The following DNAH3 variants were observed in gnomAD, a reference collection of about 807,000 sequenced individuals.
DNAH3 encodes the protein axonemal beta dynein heavy chain 3.
In DNAH3, 332 loss-of-function variants were observed where a neutral mutation model predicts 432.5. The ratio of observed to expected loss-of-function variants is 0.77; its 90% CI spans 0.70 to 0.84. The LOEUF (loss-of-function observed/expected upper bound fraction) is 0.84. Ranked by LOEUF, DNAH3 falls within the 40% of genes least tolerant of loss-of-function variation. The probability of loss-of-function intolerance (pLI) is 0.00; values close to 1 mark genes in which losing one functional copy is unlikely to be tolerated. For synonymous variants in DNAH3, 1,956 were observed against 1,900.2 expected (o/e 1.03, Z -0.76); for missense variants, 4,861 against 5,114.0 (o/e 0.95, Z 1.51).
At chr16:21,126,320 G>C (rs2092445902) in intron 8 of DNAH3, among the ~76,000 whole-genome samples, 1 of 152,134 alleles carries the variant, frequency 6.6e-6, no homozygotes, top group Non-Finnish European at 1.5e-5. Flanking sequence ...TACTACTCTA[G>C]CAACCAGAGA....
intron 18 of DNAH3, among the ~76,000 whole-genome samples, chr16:21,095,517 T>G (rs2091649578): frequency 6.6e-6 from 1 of 152,098 alleles, no homozygotes; most frequent in Non-Finnish European, 1.5e-5. Flanking sequence ...AATGAAGAGA[T>G]CAATAGTTGC....
intron 1 of DNAH3, among the ~76,000 whole-genome samples, chr16:21,154,223 G>C (rs1448369372): frequency 6.6e-6 from 1 of 152,208 alleles, no homozygotes; most frequent in Admixed American, 6.5e-5. Flanking sequence ...GGCCAACATG[G>C]TGAAACCCCG....
At chr16:21,149,164 C>T (rs544275043) in intron 1 of DNAH3, among the ~76,000 whole-genome samples, 19 of 150,530 alleles carry the variant, frequency 1.3e-4, no homozygotes, top group Middle Eastern at 3.4e-3. Flanking sequence ...AGAAAGCAGA[C>T]GCTTCAGTGA....
At chr16:20,978,252 G>A (rs778906107) in intron 50 of DNAH3, among the ~76,000 whole-genome samples, 8 of 152,164 alleles carry the variant, frequency 5.3e-5, no homozygotes, top group East Asian at 1.9e-4. Flanking sequence ...CAAGGTGGCC[G>A]GGCGGGTGGC....
intron 20 of DNAH3, among the ~76,000 whole-genome samples, chr16:21,078,723 G>A (rs191164251): frequency 6.6e-6 from 1 of 152,330 alleles, no homozygotes; most frequent in African/African-American, 2.4e-5. Flanking sequence ...GCAAATGATT[G>A]AACAGATGAG....
chr16:21,148,169 C>T (rs552765465), intron 1 of DNAH3, among the ~76,000 whole-genome samples: 1 of 152,248 alleles, frequency 6.6e-6, no homozygotes, highest in African/African-American at 2.4e-5. Flanking sequence ...CTGCCCCCAA[C>T]CCCTTAAAGA....
intron 51 of DNAH3, among the ~76,000 whole-genome samples, chr16:20,973,345 C>T (rs534254447): frequency 1.3e-5 from 2 of 152,070 alleles, no homozygotes; most frequent in South Asian, 2.1e-4. Flanking sequence ...CTCTACCTCT[C>T]GGGTTCAAGA....
intron 15 of DNAH3, among the ~76,000 whole-genome samples, 198 bp downstream of exon 15, chr16:21,106,292 T>C (rs1231516901): frequency 6.6e-6 from 1 of 152,142 alleles, no homozygotes; most frequent in Non-Finnish European, 1.5e-5. Flanking sequence ...AGTATAAAAT[T>C]CGTGCCTCTA....
At chr16:20,989,469 C>T (rs1345684455) in intron 44 of DNAH3, among the ~76,000 whole-genome samples, 2 of 152,116 alleles carry the variant, frequency 1.3e-5, no homozygotes, top group Non-Finnish European at 2.9e-5. Flanking sequence ...GATTGGTGCA[C>T]TCACAAACCT....
exon 46 of DNAH3, chr16:20,987,741 G>A (rs2086271629): frequency 5.0e-6 from 8 of 1,614,176 alleles, no homozygotes; most frequent in Non-Finnish European, 6.8e-6. Flanking sequence ...TCACTCGTGA[G>A]AAGTCCCGCA....
intron 7 of DNAH3, chr16:21,129,560 A>C (rs1357049408): frequency 3.4e-5 from 4 of 117,584 alleles, no homozygotes; most frequent in East Asian, 2.4e-4. Context: ...GTGAAACCCT[A>C]TCTCTACAAA....
chr16:21,052,887 T>C (rs948825458), intron 28 of DNAH3, among the ~76,000 whole-genome samples: 15 of 152,236 alleles, frequency 9.9e-5, no homozygotes, highest in African/African-American at 3.6e-4. Flanking sequence ...CGAGAATCCA[T>C]GGTTAGATGT....
intron 26 of DNAH3, among the ~76,000 whole-genome samples, chr16:21,059,788 A>G (rs970022830): frequency 3.3e-5 from 5 of 151,972 alleles, no homozygotes; most frequent in Admixed American, 1.3e-4. Flanking sequence ...AAAAAAAAAA[A>G]AAGAAGAAAG....
intron 25 of DNAH3, among the ~76,000 whole-genome samples, 170 bp from the exon 26 acceptor site, chr16:21,060,526 C>CTTTTTTTTTTTTTTT (rs375746116): frequency 1.1e-5 from 1 of 93,418 alleles, no homozygotes; most frequent in Non-Finnish European, 2.0e-5. Context: ...TTTTTTTTTT[C>CTTTTTTTTTTTTTTT]TTTTTTTTTT....
At chr16:20,983,564 T>C (rs911068559) in intron 48 of DNAH3, among the ~76,000 whole-genome samples, 4 of 152,130 alleles carry the variant, frequency 2.6e-5, no homozygotes, top group African/African-American at 4.8e-5. Flanking sequence ...CTGTTATTTA[T>C]AGAAGTTGCT....
At chr16:20,973,325 G>A (rs1386576247) in intron 51 of DNAH3, among the ~76,000 whole-genome samples, 1 of 151,552 alleles carries the variant, frequency 6.6e-6, no homozygotes, top group East Asian at 1.9e-4. Flanking sequence ...CGATCTCAAC[G>A]CACTGTAACC....
chr16:21,067,778 A>AGGGAGG (rs756014068), intron 23 of DNAH3, among the ~76,000 whole-genome samples: 2 of 52,386 alleles, frequency 3.8e-5, no homozygotes, highest in African/African-American at 1.2e-4. Context: ...GTGGGGAGGG[A>AGGGAGG]GAGAGAGAGA....
intron 31 of DNAH3, among the ~76,000 whole-genome samples, chr16:21,044,153 C>T (rs1172379655): frequency 8.6e-5 from 11 of 128,348 alleles, no homozygotes; most frequent in Admixed American, 6.6e-4. Flanking sequence ...CTTGGCGATG[C>T]GGGCTCTTTT....
intron 41 of DNAH3, among the ~76,000 whole-genome samples, chr16:21,018,958 G>A (rs2088002701): frequency 1.3e-5 from 2 of 151,716 alleles, no homozygotes; most frequent in Admixed American, 1.3e-4. Flanking sequence ...CTATACGAAG[G>A]CATGTCAACA....
Sources: allele counts gnomAD v4.1 joint callset (sites outside exome capture counted in the v4.1 genomes callset), GRCh38; gene constraint gnomAD v4.1.1; transcripts MANE v1.5; gene names NCBI Gene and HGNC (gene_info 2026-07-23, HGNC 2026-07-21).